RAP1GDS1: variants seen among roughly 807,000 people sequenced by gnomAD.
The protein encoded by RAP1GDS1 is RAP1, GTP-GDP dissociation stimulator 1.
A neutral mutation model predicts 71.1 loss-of-function variants in RAP1GDS1; 35 were observed. The observed-to-expected ratio is 0.49, with a 90% confidence interval of 0.38 to 0.65. The LOEUF (loss-of-function observed/expected upper bound fraction) is 0.65, where lower values mean the gene tolerates loss of function less well. Among genes scored for constraint, RAP1GDS1 ranks in the 30% least tolerant of loss-of-function variants. The pLI is 0.00. For synonymous variants in RAP1GDS1, 229 were observed against 243.1 expected (o/e 0.94, Z 0.54); for missense variants, 663 against 706.1 (o/e 0.94, Z 0.69).
chr4:98,396,098 T>G (rs896586410), intron 6 of RAP1GDS1: 14 of 151,930 alleles, frequency 9.2e-5, no homozygotes, highest in African/African-American at 3.4e-4. Flanking sequence ...TAACCAGATC[T>G]CATATGAACT....
chr4:98,392,482 A>G (rs1445431569), intron 6 of RAP1GDS1, among the ~76,000 whole-genome samples: 1 of 152,198 alleles, frequency 6.6e-6, no homozygotes, highest in African/African-American at 2.4e-5. Flanking sequence ...CGGAAGGCCG[A>G]GGTGGGTGGA....
chr4:98,305,538 A>G (rs1231673212), intron 2 of RAP1GDS1, among the ~76,000 whole-genome samples: 1 of 152,198 alleles, frequency 6.6e-6, no homozygotes, highest in Non-Finnish European at 1.5e-5. Flanking sequence ...GTTTATAGAA[A>G]AGGGAGCATG....
intron 5 of RAP1GDS1, among the ~76,000 whole-genome samples, chr4:98,391,392 G>A (rs1743638513): frequency 6.6e-6 from 1 of 151,546 alleles, no homozygotes; most frequent in African/African-American, 2.4e-5. Flanking sequence ...TTTTTTTTCT[G>A]GTACATCTCT....
chr4:98,270,637 T>C (rs1440232873), intron 1 of RAP1GDS1, among the ~76,000 whole-genome samples: 1 of 152,150 alleles, frequency 6.6e-6, no homozygotes. Context: ...TGGAAGTGGT[T>C]AAATTGAGCT....
intron 2 of RAP1GDS1, among the ~76,000 whole-genome samples, chr4:98,318,993 G>T (rs1489669855): frequency 1.3e-5 from 2 of 152,130 alleles, no homozygotes; most frequent in African/African-American, 2.4e-5. Context: ...CTCTGGGGGG[G>T]GAAATGAGGT....
chr4:98,424,425 A>T (rs574708775), intron 12 of RAP1GDS1, among the ~76,000 whole-genome samples: 6 of 152,274 alleles, frequency 3.9e-5, no homozygotes, highest in South Asian at 4.1e-4. Context: ...CACAAAAAAA[A>T]CTCAAACACC....
chr4:98,438,093 G>A (rs1346226194), intron 14 of RAP1GDS1, among the ~76,000 whole-genome samples: 1 of 151,944 alleles, frequency 6.6e-6, no homozygotes, highest in Non-Finnish European at 1.5e-5. Context: ...ATAATTTTCA[G>A]CTCTGTTGTT....
At chr4:98,283,112 A>C (rs1725421258) in intron 1 of RAP1GDS1, among the ~76,000 whole-genome samples, 1 of 152,196 alleles carries the variant, frequency 6.6e-6, no homozygotes. Context: ...CAATTTTTTA[A>C]CTTTTCTGAA....
chr4:98,330,773 A>G (rs1398615183), intron 2 of RAP1GDS1, among the ~76,000 whole-genome samples: 20 of 149,114 alleles, frequency 1.3e-4, no homozygotes, highest in Admixed American at 8.6e-4. Flanking sequence ...CACTTCCTAG[A>G]TGGGGTGGTG....
At chr4:98,334,127 CATTT>C (rs995952719) in intron 2 of RAP1GDS1, among the ~76,000 whole-genome samples, 1 of 152,098 alleles carries the variant, frequency 6.6e-6, no homozygotes, top group African/African-American at 2.4e-5. Flanking sequence ...TGTAAGCGCT[CATTT>C]ATTTAAGCCA....
At chr4:98,433,079 TCTC>T (rs1750670516) in intron 12 of RAP1GDS1, among the ~76,000 whole-genome samples, 1 of 152,118 alleles carries the variant, frequency 6.6e-6, no homozygotes, top group Non-Finnish European at 1.5e-5. Context: ...GAGCTTGATG[TCTC>T]CTCTGTCATG....
chr4:98,436,111 A>G (rs1369539974), intron 13 of RAP1GDS1, among the ~76,000 whole-genome samples: 4 of 151,492 alleles, frequency 2.6e-5, no homozygotes, highest in African/African-American at 9.7e-5. Context: ...GGTATAAGGT[A>G]CGAGGTTTAG....
At chr4:98,426,384 C>T (rs1749619367) in intron 12 of RAP1GDS1, among the ~76,000 whole-genome samples, 1 of 151,678 alleles carries the variant, frequency 6.6e-6, no homozygotes, top group African/African-American at 2.4e-5. Flanking sequence ...CAGAGCAGAA[C>T]TAAATGAAAT....
intron 4 of RAP1GDS1, among the ~76,000 whole-genome samples, chr4:98,355,735 A>G (rs1737862293): frequency 6.6e-6 from 1 of 152,184 alleles, no homozygotes; most frequent in Non-Finnish European, 1.5e-5. Context: ...ACTAGGTCAG[A>G]TTTCAGTTTT....
chr4:98,342,317 C>T (rs1013151762), intron 2 of RAP1GDS1, among the ~76,000 whole-genome samples: 1 of 152,090 alleles, frequency 6.6e-6, no homozygotes, highest in Non-Finnish European at 1.5e-5. Flanking sequence ...AAACAAATTT[C>T]AATTGAATGT....
chr4:98,404,660 CTAA>C, intron 7 of RAP1GDS1, 58 bp downstream of exon 7: 1 of 1,537,232 alleles, frequency 6.5e-7, no homozygotes, highest in South Asian at 1.2e-5. Flanking sequence ...AACTTTTTTC[CTAA>C]TATTATTTAA....
At chr4:98,424,905 CA>C (rs1252477743) in intron 12 of RAP1GDS1, among the ~76,000 whole-genome samples, 10 of 152,074 alleles carry the variant, frequency 6.6e-5, no homozygotes, top group African/African-American at 2.4e-4. Context: ...AAATTCATTG[CA>C]AAAAGATCAT....
intron 7 of RAP1GDS1, among the ~76,000 whole-genome samples, chr4:98,414,757 T>G (rs750387445): frequency 2.0e-5 from 3 of 152,058 alleles, no homozygotes; most frequent in Admixed American, 6.5e-5. Flanking sequence ...GTGAAGAAAG[T>G]CATTGGTAGC....
Position 98,420,155 on chromosome 4 carries a change from T to C in RAP1GDS1, c.1300+11T>C. 3.3e-6 allele frequency: 5 copies of C among 1,500,564 alleles called. No individual in the cohort carries two copies. The highest frequency in any genetic ancestry group is 4.5e-6 in the Non-Finnish European group (5 of 1,119,980). The allele number at this position is 1,500,564 out of a possible 1,614,324, so 93.0% of individuals were successfully genotyped here. On this transcript the variant is annotated intron_variant, in intron 11 of 14. Transcript: ENST00000408927. ...TAATAGATGCACAAGGTAAAAGAAA[T>C]GTTTTCCCCAACTTGCATTTTTCAT...
Sources: gnomAD v4.1 joint callset for allele counts (sites outside exome capture counted in the v4.1 genomes callset) on GRCh38, gnomAD v4.1.1 for gene constraint, MANE v1.5 for transcripts, NCBI Gene and HGNC (gene_info 2026-07-23, HGNC 2026-07-21) for gene names.